Variants in EPHA6 observed in about 807,000 individuals in gnomAD.
EPHA6 encodes ephrin type-A receptor 6.
Under a neutral mutation model 112.0 loss-of-function variants are expected in EPHA6, and 50 were observed. That is an observed-to-expected ratio of 0.45 (90% CI 0.36 to 0.56). The LOEUF (loss-of-function observed/expected upper bound fraction) is 0.56, where lower values mean the gene tolerates loss of function less well. Ranked by LOEUF, EPHA6 falls within the 20% of genes least tolerant of loss-of-function variation. EPHA6 has a pLI of 0.00. For synonymous variants in EPHA6, 529 were observed against 490.7 expected (o/e 1.08, Z -1.03); for missense variants, 1,280 against 1,417.4 (o/e 0.90, Z 1.56).
chr3:97,635,252 C>T (rs2093935664), intron 13 of EPHA6, among the ~76,000 whole-genome samples: 1 of 151,852 alleles, frequency 6.6e-6, no homozygotes, highest in South Asian at 2.1e-4. Context: ...TTTAATACAC[C>T]AAAATCTTAT....
chr3:97,047,992 C>G (rs1288973209), intron 3 of EPHA6, among the ~76,000 whole-genome samples: 1 of 152,006 alleles, frequency 6.6e-6, no homozygotes, highest in East Asian at 1.9e-4. Context: ...TTATATAGCT[C>G]TACTCATAGA....
intron 2 of EPHA6, among the ~76,000 whole-genome samples, chr3:96,950,828 A>G (rs774759944): frequency 3.3e-5 from 5 of 152,016 alleles, no homozygotes; most frequent in Non-Finnish European, 7.4e-5. Flanking sequence ...ACTAGTGTCT[A>G]TTATGTCTAC....
intron 7 of EPHA6, among the ~76,000 whole-genome samples, chr3:97,462,343 C>T (rs13325545): frequency 0.019 from 2,854 of 152,084 alleles, 101 homozygotes; most frequent in African/African-American, 0.065. Flanking sequence ...ATTTTTTGGA[C>T]CATCCTGTGC....
At chr3:97,541,892 A>G (rs947595523) in intron 11 of EPHA6, among the ~76,000 whole-genome samples, 1 of 151,786 alleles carries the variant, frequency 6.6e-6, no homozygotes, top group Admixed American at 6.6e-5. Context: ...ATATATATAT[A>G]AAGGGGAGTT....
intron 16 of EPHA6, among the ~76,000 whole-genome samples, chr3:97,744,772 G>A (rs1030893264): frequency 6.6e-6 from 1 of 151,922 alleles, no homozygotes; most frequent in Admixed American, 6.6e-5. Context: ...AATTTCAAGA[G>A]TGATTCCAGT....
intron 10 of EPHA6, among the ~76,000 whole-genome samples, chr3:97,527,182 A>T (rs758504233): frequency 5.4e-4 from 82 of 152,162 alleles, no homozygotes; most frequent in Non-Finnish European, 9.7e-4. Context: ...CCTTTGGTGG[A>T]TGCTTTTGGA....
intron 3 of EPHA6, among the ~76,000 whole-genome samples, chr3:97,053,726 T>C (rs2108093999): frequency 6.6e-6 from 1 of 152,242 alleles, no homozygotes; most frequent in East Asian, 1.9e-4. Flanking sequence ...AATCTGATAA[T>C]GTAGTTTAAG....
At chr3:97,006,230 G>A (rs1020323942) in intron 3 of EPHA6, among the ~76,000 whole-genome samples, 1 of 152,200 alleles carries the variant, frequency 6.6e-6, no homozygotes, top group African/African-American at 2.4e-5. Context: ...GAGTTCAGCT[G>A]TGAATCCATC....
chr3:97,204,444 G>T (rs2077662640), intron 3 of EPHA6, among the ~76,000 whole-genome samples: 1 of 152,036 alleles, frequency 6.6e-6, no homozygotes, highest in South Asian at 2.1e-4. Flanking sequence ...CCGTTCCACA[G>T]ATGAGAAAAA....
At chr3:97,308,535 C>A (rs1013369642) in intron 5 of EPHA6, among the ~76,000 whole-genome samples, 1 of 151,694 alleles carries the variant, frequency 6.6e-6, no homozygotes, top group African/African-American at 2.4e-5. Flanking sequence ...TGCAGAATTT[C>A]TTTCACCATC....
intron 14 of EPHA6, among the ~76,000 whole-genome samples, chr3:97,686,129 A>T (rs560188814): frequency 6.6e-6 from 1 of 152,316 alleles, no homozygotes; most frequent in Non-Finnish European, 1.5e-5. Context: ...TTTAGAAATT[A>T]TAAATGAATA....
intron 5 of EPHA6, among the ~76,000 whole-genome samples, chr3:97,282,871 G>A (rs1246479548): frequency 6.6e-6 from 1 of 152,162 alleles, no homozygotes; most frequent in Non-Finnish European, 1.5e-5. Context: ...AGGATAAATA[G>A]CTAATGCATG....
At chr3:97,284,548 T>G (rs957176120) in intron 5 of EPHA6, among the ~76,000 whole-genome samples, 1 of 152,214 alleles carries the variant, frequency 6.6e-6, no homozygotes, top group African/African-American at 2.4e-5. Flanking sequence ...TCTACTCCTC[T>G]ACTGAACTGG....
chr3:97,356,371 G>C lies in EPHA6; in HGVS notation c.1607-48779G>C, dbSNP rs531129933. Among the ~76,000 whole-genome samples, 4 of 152,274 alleles carry C rather than the reference G, an allele frequency of 2.6e-5. No individual in the cohort carries two copies. In the South Asian group the frequency reaches 6.2e-4, roughly 24 times the overall value. ...AAATAAAGTACAAAATAAATGTAATGTGCTTGAATCATCCCAAAACCATCC... is the reference window on the plus strand; with the variant it reads ...AAATAAAGTACAAAATAAATGTAATCTGCTTGAATCATCCCAAAACCATCC... On this transcript the variant is annotated intron_variant, in intron 5 of 17. Coordinates refer to ENST00000389672, the MANE Select transcript of EPHA6 (RefSeq NM_001080448.3).
chr3:97,186,405 C>A (rs867115271), intron 3 of EPHA6, among the ~76,000 whole-genome samples: 1 of 152,080 alleles, frequency 6.6e-6, no homozygotes, highest in Non-Finnish European at 1.5e-5. Context: ...TAAAACTAAT[C>A]TATTCCATGT....
At chr3:97,691,492 GT>G (rs1002132339) in intron 14 of EPHA6, among the ~76,000 whole-genome samples, 1 of 151,858 alleles carries the variant, frequency 6.6e-6, no homozygotes, top group Non-Finnish European at 1.5e-5. Flanking sequence ...TCTGTTGTTG[GT>G]TTTTTTGCCT....
At chr3:96,883,835 T>A (rs1576231592) in intron 2 of EPHA6, among the ~76,000 whole-genome samples, 1 of 151,910 alleles carries the variant, frequency 6.6e-6, no homozygotes, top group East Asian at 1.9e-4. Flanking sequence ...ACCTGGCTAA[T>A]TTTTTTGTAT....
chr3:96,862,964 T>A (rs763260109), intron 1 of EPHA6, among the ~76,000 whole-genome samples: 1 of 151,816 alleles, frequency 6.6e-6, no homozygotes, highest in African/African-American at 2.4e-5. Context: ...ATGCTGAAAA[T>A]TTTTTTCTAA....
rs117523084 is a variant in EPHA6, at chr3:97,687,944, G to A, written c.2785-32317G>A. ...GTGATTAGCCAAACAATGCAAGCAC[G>A]TTAAAGCCCTGGTTGGAAGTGACAC... On this transcript the variant is annotated intron_variant, in intron 14 of 17. Coordinates refer to ENST00000389672, the MANE Select transcript of EPHA6 (RefSeq NM_001080448.3). Among the ~76,000 whole-genome samples, 93 of 152,288 alleles carry A rather than the reference G, an allele frequency of 6.1e-4. 1 individual carries two copies. In the East Asian group the frequency reaches 0.017, roughly 28 times the overall value.
Sources: gnomAD v4.1 joint callset for allele counts (sites outside exome capture counted in the v4.1 genomes callset) on GRCh38, gnomAD v4.1.1 for gene constraint, MANE v1.5 for transcripts, NCBI Gene and HGNC (gene_info 2026-07-23, HGNC 2026-07-21) for gene names.